Variants in NFATC2 observed in about 807,000 individuals in gnomAD.
NFATC2 encodes nuclear factor of activated T-cells, cytoplasmic 2.
Under a neutral mutation model 87.3 loss-of-function variants are expected in NFATC2, and 22 were observed. The observed-to-expected ratio is 0.25, with a 90% CI of 0.18 to 0.36. The LOEUF is 0.36. NFATC2 is among the 10% of genes least tolerant of loss of function. The pLI, the probability that NFATC2 is intolerant of heterozygous loss-of-function variation, is 1.00. For missense variants in NFATC2, 1,149 were observed against 1,259.1 expected (o/e 0.91, Z 1.32); for synonymous variants, 565 against 542.2 (o/e 1.04, Z -0.58).
chr20:51,497,460 A>G (rs2076007560), intron 3 of NFATC2, among the ~76,000 whole-genome samples: 1 of 152,158 alleles, frequency 6.6e-6, no homozygotes, highest in Non-Finnish European at 1.5e-5. Flanking sequence ...ATTTTTGCAC[A>G]AGACTTTTCT....
At chr20:51,475,430 C>A (rs1276146113) in intron 4 of NFATC2, 28 bp downstream of exon 4, 2 of 1,611,724 alleles carry the variant, frequency 1.2e-6, no homozygotes, top group Non-Finnish European at 1.7e-6. Flanking sequence ...TCCATGAAGA[C>A]CCGCCGCCCT....
At chr20:51,550,949 T>C (rs545638313) in intron 1 of NFATC2, among the ~76,000 whole-genome samples, 2 of 152,366 alleles carry the variant, frequency 1.3e-5, no homozygotes, top group South Asian at 4.1e-4. Flanking sequence ...ATTTTCATCA[T>C]GAACTCCATG....
At chr20:51,532,989 C>T (rs1052250033) in intron 1 of NFATC2, among the ~76,000 whole-genome samples, 6 of 152,224 alleles carry the variant, frequency 3.9e-5, no homozygotes, top group Admixed American at 2.6e-4. Flanking sequence ...ATCCGACCCA[C>T]GGCTTGATGA....
intron 1 of NFATC2, among the ~76,000 whole-genome samples, chr20:51,531,269 T>C (rs974256829): frequency 4.6e-5 from 7 of 152,172 alleles, no homozygotes; most frequent in Non-Finnish European, 7.3e-5. Context: ...GCTGGAAGCA[T>C]CAACTCATGA....
intron 2 of NFATC2, among the ~76,000 whole-genome samples, chr20:51,518,212 G>T (rs765674637): frequency 6.6e-6 from 1 of 152,162 alleles, no homozygotes; most frequent in African/African-American, 2.4e-5. Flanking sequence ...TGGGAATTTT[G>T]AAAAGCATCA....
intron 6 of NFATC2, among the ~76,000 whole-genome samples, chr20:51,453,734 C>T (rs1986075956): frequency 6.6e-6 from 1 of 152,140 alleles, no homozygotes; most frequent in Non-Finnish European, 1.5e-5. Context: ...GAAAGAAGTA[C>T]CAATTCCACA....
At chr20:51,509,409 T>A (rs1254118025) in intron 3 of NFATC2, among the ~76,000 whole-genome samples, 5 of 152,114 alleles carry the variant, frequency 3.3e-5, no homozygotes, top group Non-Finnish European at 7.4e-5. Context: ...AGGTGCTTGG[T>A]AAGTATTTTT....
At chr20:51,475,693 C>T (rs763997946) in intron 3 of NFATC2, 33 bp from the exon 4 acceptor site, 58 of 1,606,764 alleles carry the variant, frequency 3.6e-5, no homozygotes, top group Middle Eastern at 1.7e-4. Flanking sequence ...CATTAAGGTG[C>T]GGGGTGTGGT....
chr20:51,486,639 C>A (rs73128881), intron 3 of NFATC2, among the ~76,000 whole-genome samples: 148 of 131,484 alleles, frequency 1.1e-3, no homozygotes, highest in Admixed American at 1.8e-3. Flanking sequence ...CATGCCTCAG[C>A]ACCTCCGACG....
chr20:51,523,401 T>C lies in NFATC2; in HGVS notation c.840A>G (p.Ser280=), dbSNP rs772208970. 1.2e-6 allele frequency: 2 copies of C among 1,609,440 alleles called. No individual in the cohort carries two copies. The highest frequency in any genetic ancestry group is 1.3e-5 in the African/African-American group (1 of 74,744). Residue 280 remains serine, a synonymous_variant, in exon 2 of 11, where the codon TCA becomes TCG. Transcript: ENST00000371564. The surrounding 1 kb of genome is among the most constrained non-coding windows in gnomAD (Gnocchi z 6.9). ...QRSRSPSPQP[S]SHVAPQDHGS... ...CGTGGTCCTGGGGTGCCACGTGAGA[T>C]GAGGGCTGCGGCGAGGGGCTCCGGG...
intron 1 of NFATC2, among the ~76,000 whole-genome samples, chr20:51,534,932 T>C (rs190628243): frequency 5.9e-5 from 9 of 152,350 alleles, no homozygotes; most frequent in African/African-American, 1.7e-4. Flanking sequence ...TTGTGTGCAG[T>C]AGTCCTTTCT....
chr20:51,530,507 A>C (rs886807446), intron 1 of NFATC2, among the ~76,000 whole-genome samples: 2 of 152,188 alleles, frequency 1.3e-5, no homozygotes, highest in African/African-American at 4.8e-5. Flanking sequence ...AAGAGAAAAT[A>C]GCGCTGAAAA....
In NFATC2 at chr20:51,410,452, G is replaced by T. The variant is rs2426307; in HGVS notation, c.2723-11722C>A. On this transcript the variant is annotated intron_variant, in intron 9 of 10. Coordinates refer to ENST00000371564, the MANE Select transcript of NFATC2 (RefSeq NM_012340.5). ...CTATTGTTCTTTAAGCTTAGGGGGA[G>T]GGGTAAGTACACAGTATGTTTGTGT... is the stretch of plus-strand genomic sequence containing the variant. Among the ~76,000 whole-genome samples the T allele has an allele frequency of 1.6e-3, 245 of 152,088 alleles. 1 individual carries two copies. Among genetic ancestry groups the T allele is most frequent in the Non-Finnish European group, 2.5e-3 (172 of 68,008 alleles).
intron 1 of NFATC2, among the ~76,000 whole-genome samples, chr20:51,560,576 C>G (rs960713708): frequency 2.0e-5 from 3 of 152,212 alleles, no homozygotes; most frequent in Admixed American, 1.3e-4. Flanking sequence ...CCTCAAGAGA[C>G]CACCGTGCAG....
intron 3 of NFATC2, among the ~76,000 whole-genome samples, chr20:51,498,661 C>T (rs1568691950): frequency 6.6e-6 from 1 of 152,156 alleles, no homozygotes; most frequent in Non-Finnish European, 1.5e-5. Flanking sequence ...GTGGCATGCA[C>T]CTGTAGTCCC....
At chr20:51,470,067 A>G (rs1244797952) in intron 5 of NFATC2, among the ~76,000 whole-genome samples, 3 of 152,104 alleles carry the variant, frequency 2.0e-5, no homozygotes, top group African/African-American at 7.2e-5. Context: ...AGGAGAGGGG[A>G]ACTGCTCCGT....
At chr20:51,551,343 A>G (rs1192789754) in intron 1 of NFATC2, among the ~76,000 whole-genome samples, 1 of 152,208 alleles carries the variant, frequency 6.6e-6, no homozygotes, top group Admixed American at 6.5e-5. Context: ...TGTGAGCCAC[A>G]CTGCACCCTA....
intron 1 of NFATC2, among the ~76,000 whole-genome samples, chr20:51,561,790 T>G (rs2077035623): frequency 6.6e-6 from 1 of 152,280 alleles, no homozygotes; most frequent in South Asian, 2.1e-4. Flanking sequence ...TAAAGACCGA[T>G]TCGTTATTGT....
chr20:51,484,824 T>G (rs1989573997), intron 3 of NFATC2, among the ~76,000 whole-genome samples: 1 of 152,236 alleles, frequency 6.6e-6, no homozygotes, highest in Non-Finnish European at 1.5e-5. Context: ...GCCCTGCGCC[T>G]GCTTTCTGAC....
Sources: gnomAD v4.1 joint callset for allele counts (sites outside exome capture counted in the v4.1 genomes callset) on GRCh38, gnomAD v4.1.1 for gene constraint, Gnocchi (gnomAD v3.1) non-coding constraint, MANE v1.5 for transcripts, NCBI Gene and HGNC (gene_info 2026-07-23, HGNC 2026-07-21) for gene names.